SUGCT: variants seen among roughly 807,000 people sequenced by gnomAD.
The protein encoded by SUGCT is succinyl-CoA:glutarate CoA-transferase.
In SUGCT, 41 loss-of-function variants were observed where a neutral mutation model predicts 55.0. The observed-to-expected ratio is 0.74, with a 90% CI of 0.58 to 0.97. The LOEUF (loss-of-function observed/expected upper bound fraction) is 0.97. SUGCT is among the 50% of genes least tolerant of loss of function. SUGCT has a pLI of 0.00. For missense variants in SUGCT, 568 were observed against 547.8 expected (o/e 1.04, Z -0.37); for synonymous variants, 187 against 200.4 (o/e 0.93, Z 0.56).
chr7:40,678,995 C>T (rs1784122943), intron 12 of SUGCT, among the ~76,000 whole-genome samples: 1 of 152,198 alleles, frequency 6.6e-6, no homozygotes, highest in African/African-American at 2.4e-5. Context: ...TGGTAGCCAC[C>T]TATAGTTCAA....
At chr7:40,353,927 G>C (rs923038401) in intron 9 of SUGCT, among the ~76,000 whole-genome samples, 6 of 152,006 alleles carry the variant, frequency 3.9e-5, no homozygotes, top group Admixed American at 3.9e-4. Context: ...ATGGCATTTG[G>C]TTTGAGAGTC....
intron 12 of SUGCT, among the ~76,000 whole-genome samples, chr7:40,536,619 C>A (rs28722061): frequency 0.018 from 2,755 of 152,296 alleles, 41 homozygotes; most frequent in Middle Eastern, 0.034. Context: ...CAAGCATTTC[C>A]TGAATTCTTG....
chr7:40,707,151 C>T (rs572593549), intron 12 of SUGCT, among the ~76,000 whole-genome samples: 1 of 151,886 alleles, frequency 6.6e-6, no homozygotes, highest in East Asian at 1.9e-4. Flanking sequence ...TTACACCTAA[C>T]ACTAAAAGAA....
At chr7:40,564,331 G>A (rs531398108) in intron 12 of SUGCT, among the ~76,000 whole-genome samples, 60 of 152,292 alleles carry the variant, frequency 3.9e-4, no homozygotes, top group Non-Finnish European at 6.6e-4. Flanking sequence ...AGCCGAGATC[G>A]CGCCACTGCA....
At chr7:40,986,130 TA>T in the SUGCT span, among the ~76,000 whole-genome samples, 2 of 152,184 alleles carry the variant, frequency 1.3e-5, no homozygotes, top group Admixed American at 1.3e-4. Flanking sequence ...AATCCTCAGT[TA>T]TGGTGAGTTA....
intron 12 of SUGCT, among the ~76,000 whole-genome samples, chr7:40,600,342 G>A (rs1294449361): frequency 6.6e-6 from 1 of 152,184 alleles, no homozygotes; most frequent in African/African-American, 2.4e-5. Context: ...ACAAAGTTGT[G>A]CTGGAAACAC....
At chr7:40,489,916 G>T (rs1246874804) in intron 11 of SUGCT, among the ~76,000 whole-genome samples, 2 of 152,146 alleles carry the variant, frequency 1.3e-5, no homozygotes. Flanking sequence ...ATTTGTTACA[G>T]TCCTCACCAT....
chr7:40,440,341 G>A (rs943787533), intron 9 of SUGCT, among the ~76,000 whole-genome samples: 39 of 151,604 alleles, frequency 2.6e-4, no homozygotes, highest in African/African-American at 9.2e-4. Context: ...TGTATTTTTA[G>A]TAGAGACGGG....
At chr7:40,872,539 G>A in the SUGCT span, among the ~76,000 whole-genome samples, 4 of 152,120 alleles carry the variant, frequency 2.6e-5, no homozygotes, top group Non-Finnish European at 4.4e-5. Flanking sequence ...TTGTCCAAGC[G>A]ACACTGACCA....
At chr7:40,384,939 T>A (rs1785041959) in intron 9 of SUGCT, among the ~76,000 whole-genome samples, 1 of 152,156 alleles carries the variant, frequency 6.6e-6, no homozygotes, top group South Asian at 2.1e-4. Flanking sequence ...AAAGATAGGC[T>A]CTTTTCTTGT....
the SUGCT span, among the ~76,000 whole-genome samples, chr7:41,032,979 G>A: frequency 3.3e-5 from 5 of 152,132 alleles, no homozygotes; most frequent in South Asian, 2.1e-4. Flanking sequence ...GGCCAGGATG[G>A]TCTCGATCTC....
intron 12 of SUGCT, among the ~76,000 whole-genome samples, chr7:40,628,700 T>C (rs916429911): frequency 2.6e-5 from 4 of 151,774 alleles, no homozygotes; most frequent in Non-Finnish European, 4.4e-5. Flanking sequence ...TAGAATTTAC[T>C]CAGTTTTTGG....
the SUGCT span, among the ~76,000 whole-genome samples, chr7:40,867,079 G>A: frequency 1.3e-5 from 2 of 150,588 alleles, no homozygotes; most frequent in African/African-American, 4.9e-5. Context: ...TGAACAAAGT[G>A]GAAGTAGATT....
intron 7 of SUGCT, among the ~76,000 whole-genome samples, chr7:40,245,416 TATATA>T (rs1562607221): frequency 2.0e-4 from 6 of 30,250 alleles, no homozygotes; most frequent in Admixed American, 4.8e-4. Context: ...TATATATATA[TATATA>T]TATTTTTTTT....
At chr7:40,944,062 G>A in the SUGCT span, among the ~76,000 whole-genome samples, 1 of 151,928 alleles carries the variant, frequency 6.6e-6, no homozygotes, top group Admixed American at 6.6e-5. Context: ...GTGTCTTTTG[G>A]CTGCATAAAT....
intron 9 of SUGCT, among the ~76,000 whole-genome samples, chr7:40,448,236 C>CCCTCCCTCCCTT (rs1470382844): frequency 7.1e-6 from 1 of 141,204 alleles, no homozygotes; most frequent in East Asian, 2.1e-4. Flanking sequence ...CTCCCTCCCT[C>CCCTCCCTCCCTT]CCTCCCTCCC....
intron 12 of SUGCT, among the ~76,000 whole-genome samples, chr7:40,717,300 T>C (rs1921750): frequency 0.086 from 13,044 of 152,196 alleles, 828 homozygotes; most frequent in East Asian, 0.26. Flanking sequence ...ATGGAATTTA[T>C]TGGGCGAAGG....
At chr7:40,622,459 C>T (rs1212425044) in intron 12 of SUGCT, among the ~76,000 whole-genome samples, 1 of 151,688 alleles carries the variant, frequency 6.6e-6, no homozygotes, top group Admixed American at 6.6e-5. Flanking sequence ...AATATGAAGA[C>T]CATCCAAAAT....
chr7:41,030,539 C>T, the SUGCT span, among the ~76,000 whole-genome samples: 1 of 152,152 alleles, frequency 6.6e-6, no homozygotes, highest in Non-Finnish European at 1.5e-5. Flanking sequence ...TTACTTCCTC[C>T]TCTCGTCCCT....
Sources: gnomAD v4.1 joint callset for allele counts (sites outside exome capture counted in the v4.1 genomes callset) on GRCh38, gnomAD v4.1.1 for gene constraint, MANE v1.5 for transcripts, NCBI Gene and HGNC (gene_info 2026-07-23, HGNC 2026-07-21) for gene names.